Variants in SLC7A14 observed in about 807,000 individuals in gnomAD.
SLC7A14 encodes the protein gamma-aminobutyric acid transporter SLC7A14.
A neutral mutation model predicts 60.2 loss-of-function variants in SLC7A14; 37 were observed. The observed-to-expected ratio is 0.61, with a 90% CI of 0.47 to 0.81. The LOEUF (loss-of-function observed/expected upper bound fraction) is 0.81. Ranked by LOEUF, SLC7A14 falls within the 30% of genes least tolerant of loss-of-function variation. The probability of loss-of-function intolerance (pLI) is 0.00; values close to 1 mark genes in which losing one functional copy is unlikely to be tolerated. For synonymous variants in SLC7A14, 399 were observed against 395.8 expected (o/e 1.01, Z -0.10); for missense variants, 886 against 982.7 (o/e 0.90, Z 1.32).
chr3:170,528,503 A>C (rs1030908591), intron 1 of SLC7A14, among the ~76,000 whole-genome samples: 2 of 152,252 alleles, frequency 1.3e-5, no homozygotes, highest in African/African-American at 2.4e-5. Flanking sequence ...ATCTACTCAT[A>C]GTATTAATGA....
Position 170,486,641 on chromosome 3 carries a change from A to G in SLC7A14, c.760-273T>C, listed in dbSNP as rs535166234. 2.6e-5 allele frequency among the ~76,000 whole-genome samples: 4 copies of G among 152,158 alleles called. No homozygotes were observed. In the South Asian group the frequency reaches 6.2e-4, roughly 24 times the overall value. On this transcript the variant is annotated intron_variant, in intron 4 of 7. Coordinates refer to ENST00000231706, the MANE Select transcript of SLC7A14 (RefSeq NM_020949.3). ...GTAATCACAGCACTTTGAGAGGCCG[A>G]TGGGGGTGGATCACGAGGTCAGGAG...
chr3:170,548,325 A>C (rs968204432), intron 1 of SLC7A14, among the ~76,000 whole-genome samples: 1 of 152,148 alleles, frequency 6.6e-6, no homozygotes, highest in African/African-American at 2.4e-5. Context: ...AAATCACTGG[A>C]AGTGGAGCCT....
intron 2 of SLC7A14, among the ~76,000 whole-genome samples, chr3:170,521,778 A>T (rs548416661): frequency 6.6e-6 from 1 of 152,208 alleles, no homozygotes; most frequent in Admixed American, 6.5e-5. Context: ...AAAATTAGCC[A>T]TGTGTGATGT....
intron 2 of SLC7A14, among the ~76,000 whole-genome samples, chr3:170,511,380 A>G (rs923927362): frequency 6.6e-6 from 1 of 151,940 alleles, no homozygotes; most frequent in African/African-American, 2.4e-5. Flanking sequence ...CTGGGCAACA[A>G]GAGCGAAACT....
chr3:170,519,637 A>G lies in SLC7A14; in HGVS notation c.304+6996T>C, dbSNP rs6804669. ...CTAAAAATACAAAAATTAGCCAGGC[A>G]TAGTGGTGGGTGCCTGTAATCCCAG... On this transcript the variant is annotated intron_variant, in intron 2 of 7. Transcript: ENST00000231706. Among the ~76,000 whole-genome samples the G allele has an allele frequency of 5.7e-3, 866 of 152,260 alleles. 7 individuals carry two copies. Among genetic ancestry groups the G allele is most frequent in the African/African-American group, 0.02 (822 of 41,564 alleles).
Position 170,525,178 on chromosome 3 carries a change from A to G in SLC7A14, c.304+1455T>C, listed in dbSNP as rs528181695. ...GGCCCACATGATCTGCCACCCTAAA[A>G]CCCAGAAAAGCCTCATGCTTTTGCA... On this transcript the variant is annotated intron_variant, in intron 2 of 7. Transcript: ENST00000231706. Among the ~76,000 whole-genome samples the G allele has an allele frequency of 3.0e-4, 46 of 152,252 alleles. No individual in the cohort carries two copies. The South Asian group carries it at 8.9e-3, about 30-fold the overall frequency.
In SLC7A14 at chr3:170,486,317, T is replaced by A. The variant is rs765706408; in HGVS notation, c.811A>T (p.Ile271Phe). The change falls in exon 5 of 8, where the codon ATC becomes TTC. Residue 271 changes from isoleucine to phenylalanine, a missense_variant. Ile to Phe is a conservative substitution (Grantham distance 21, BLOSUM62 0). Transcript: ENST00000231706. ...CFYAFIGFDI[I>F]ATTGEEAKNP... ...TTGGCTTCCTCTCCAGTGGTGGCGA[T>A]GATGTCAAAGCCAATGAAAGCGTAG... 2 of 1,614,216 alleles carry A rather than the reference T, an allele frequency of 1.2e-6. No homozygotes were observed. The highest frequency in any genetic ancestry group is 2.2e-5 in the East Asian group (1 of 44,878).
chr3:170,484,183 T>A (rs570431658), intron 5 of SLC7A14, among the ~76,000 whole-genome samples: 1 of 152,312 alleles, frequency 6.6e-6, no homozygotes, highest in South Asian at 2.1e-4. Flanking sequence ...GTCAGACAAC[T>A]ATGGCTTTGC....
chr3:170,472,149 A>G (rs1370525385), intron 7 of SLC7A14, among the ~76,000 whole-genome samples: 1 of 150,348 alleles, frequency 6.7e-6, no homozygotes, highest in Non-Finnish European at 1.5e-5. Context: ...CAGGTGGATC[A>G]CCTGAGGTCA....
At chr3:170,489,460 A>G (rs142229246) in intron 4 of SLC7A14, among the ~76,000 whole-genome samples, 37 of 152,350 alleles carry the variant, frequency 2.4e-4, no homozygotes, top group Middle Eastern at 3.4e-3. Context: ...AAGGATGTGG[A>G]GAAAAGGGAA....
At chr3:170,489,404 C>A (rs1388330819) in intron 4 of SLC7A14, among the ~76,000 whole-genome samples, 1 of 152,144 alleles carries the variant, frequency 6.6e-6, no homozygotes, top group Non-Finnish European at 1.5e-5. Flanking sequence ...TCTCACCTCA[C>A]TTAAAATGGC....
In SLC7A14 at chr3:170,526,712, A is replaced by G; in HGVS notation, c.225T>C (p.Ser75=). The part of the protein sequence containing the change: ...SCVGTGMYVV[S]GLVAKEMAGP... ...CTGCCATTTCCTTGGCCACCAGGCC[A>G]GAGACCACATACATGCCAGTGCCCA... The change falls in exon 2 of 8, where the codon TCT becomes TCC. Residue 75 remains serine, a synonymous_variant. Transcript: ENST00000231706. The G allele has an allele frequency of 6.2e-7, 1 of 1,614,280 alleles. No homozygotes were observed.
rs1318304085 is a variant in SLC7A14, at chr3:170,575,337, G to GT, written c.-153+10573dup. On this transcript the variant is annotated intron_variant, in intron 1 of 7. Transcript: ENST00000231706. ...GATTAAGATGCCTTCTGTTCAGGCT[G>GT]TGACTCCATAATCTCTGGCAGTTTG... 5.9e-5 allele frequency among the ~76,000 whole-genome samples: 9 copies of GT among 152,350 alleles called. No individual in the cohort carries two copies. The South Asian group carries it at 1.7e-3, about 28-fold the overall frequency.
intron 1 of SLC7A14, among the ~76,000 whole-genome samples, chr3:170,572,060 C>CAAAAAAA (rs765897392): frequency 3.7e-5 from 3 of 80,684 alleles, no homozygotes; most frequent in African/African-American, 1.3e-4. Flanking sequence ...GACTCTGTCT[C>CAAAAAAA]AAAAAAAAAA....
intron 1 of SLC7A14, among the ~76,000 whole-genome samples, chr3:170,573,344 A>G (rs1195060331): frequency 2.0e-5 from 3 of 152,276 alleles, no homozygotes; most frequent in Admixed American, 1.3e-4. Flanking sequence ...TTCAAGTGCC[A>G]TGCCACCTGA....
At chr3:170,498,599 CT>C (rs1712485425) in intron 4 of SLC7A14, 67 bp downstream of exon 4, 1 of 1,429,760 alleles carries the variant, frequency 7.0e-7, no homozygotes. Context: ...GAAAATATGT[CT>C]TAGGTTGGTC....
At chr3:170,577,624 CAAAAAA>C (rs56357954) in intron 1 of SLC7A14, among the ~76,000 whole-genome samples, 1 of 52,054 alleles carries the variant, frequency 1.9e-5, no homozygotes, top group Non-Finnish European at 4.3e-5. Flanking sequence ...GACTCCGTCT[CAAAAAA>C]AAAAAAAAAA....
chr3:170,538,351 T>C (rs577106958), intron 1 of SLC7A14, among the ~76,000 whole-genome samples: 14 of 152,328 alleles, frequency 9.2e-5, no homozygotes, highest in African/African-American at 2.9e-4. Context: ...GATTTTGCTC[T>C]TGTGGGGGCT....
At chr3:170,559,721 C>T (rs1714588654) in intron 1 of SLC7A14, among the ~76,000 whole-genome samples, 2 of 152,180 alleles carry the variant, frequency 1.3e-5, no homozygotes, top group South Asian at 4.1e-4. Context: ...GTTTATCTGT[C>T]ACTCTCTCTT....
Sources: gnomAD v4.1 joint callset for allele counts (sites outside exome capture counted in the v4.1 genomes callset) on GRCh38, gnomAD v4.1.1 for gene constraint, MANE v1.5 for transcripts, NCBI Gene and HGNC (gene_info 2026-07-23, HGNC 2026-07-21) for gene names.